Variants in RBM6 observed in about 807,000 individuals in gnomAD.
RBM6 encodes the protein RNA-binding protein 6.
RBM6 carries 23 observed loss-of-function variants against 140.4 expected under a neutral mutation model. That is an observed-to-expected ratio of 0.16 (90% CI 0.12 to 0.23). The LOEUF is 0.23. Among genes scored for constraint, RBM6 ranks in the 10% least tolerant of loss-of-function variants. The pLI is 1.00. For synonymous variants in RBM6, 439 were observed against 475.6 expected, an observed-to-expected ratio of 0.92 and a Z score of 1.00; for missense variants, 1,139 against 1,386.7, an observed-to-expected ratio of 0.82 and a Z score of 2.84.
intron 6 of RBM6, among the ~76,000 whole-genome samples, chr3:50,019,121 C>T (rs771332252): frequency 7.3e-5 from 11 of 151,320 alleles, no homozygotes; most frequent in East Asian, 2.0e-4. Context: ...CTGCAGCCTC[C>T]GCCTCCCAGG....
At chr3:50,058,376 C>T (rs2089800799) in intron 9 of RBM6, 26 bp from the exon 10 acceptor site, 2 of 1,588,928 alleles carry the variant, frequency 1.3e-6, no homozygotes, top group African/African-American at 2.7e-5. Context: ...CTTGTGTTGC[C>T]CTTCTCCCAT....
At chr3:50,058,584 T>C (rs1208999464) in intron 10 of RBM6, 22 bp downstream of exon 10, 10 of 1,582,730 alleles carry the variant, frequency 6.3e-6, no homozygotes, top group South Asian at 1.1e-5. Context: ...CCACCTTGGA[T>C]TGGCCTAGAG....
rs1171824743 is a variant in RBM6, at chr3:50,066,354, A to T, written c.2795A>T (p.Gln932Leu). 5 of 1,614,150 alleles carry T rather than the reference A, an allele frequency of 3.1e-6. No individual in the cohort carries two copies. Among genetic ancestry groups the T allele is most frequent in the Non-Finnish European group, 4.2e-6 (5 of 1,180,044 alleles). ...QTPPPQPRTA[Q>L]PQKREEQTKK... ...CCTCCCCCACAGCCCCGCACAGCAC[A>T]GCCCCAGAAGCGAGAGGAGCAAACC... The change falls in exon 17 of 21, where the codon CAG (glutamine) becomes CTG (leucine). Residue 932 changes from glutamine (Q) to leucine (L), a missense_variant. Gln to Leu is a moderately radical substitution (Grantham distance 113, BLOSUM62 -2). Coordinates refer to ENST00000266022, the MANE Select transcript of RBM6 (RefSeq NM_005777.3).
intron 1 of RBM6, chr3:49,940,675 C>G (rs1575492369): frequency 6.5e-6 from 1 of 155,038 alleles, no homozygotes; most frequent in Middle Eastern, 5.6e-4. Flanking sequence ...GGAGGCTCCG[C>G]TGGACCGGAG....
At position 49,942,437 on chromosome 3, in the gene RBM6, C is replaced by T. The variant is rs369194404; in HGVS notation, c.-67+2212C>T. On this transcript the variant is annotated intron_variant, in intron 1 of 20. Coordinates refer to ENST00000266022, the MANE Select transcript of RBM6 (RefSeq NM_005777.3). ...CCGAGAGGCGGAGCTTGCAGTGAGC[C>T]GAGATTGCGCCACTGCACTCCAGCC... Among the ~76,000 whole-genome samples, 9 of 144,876 alleles carry T rather than the reference C, an allele frequency of 6.2e-5. No individual in the cohort carries two copies. The East Asian group carries it at 1.0e-3, about 17-fold the overall frequency.
chr3:49,973,886 TTTTG>T (rs143557382), intron 4 of RBM6, among the ~76,000 whole-genome samples: 53,090 of 147,896 alleles, frequency 0.36, 9,961 homozygotes, highest in Non-Finnish European at 0.44. Context: ...GCGCCCAGCA[TTTTG>T]TTTGTTTGTT....
intron 6 of RBM6, among the ~76,000 whole-genome samples, chr3:50,012,599 C>A (rs1575687766): frequency 6.6e-6 from 1 of 151,888 alleles, no homozygotes; most frequent in Non-Finnish European, 1.5e-5. Context: ...CCCTGTGATC[C>A]GCCCGTCTCA....
intron 5 of RBM6, among the ~76,000 whole-genome samples, chr3:49,991,241 C>A (rs2085806202): frequency 6.6e-6 from 1 of 152,162 alleles, no homozygotes; most frequent in Non-Finnish European, 1.5e-5. Flanking sequence ...AGTCTCTGTC[C>A]TGTGGAATAT....
At chr3:50,066,214 G>T (rs760114747) in intron 16 of RBM6, 28 bp from the exon 17 acceptor site, 2 of 1,589,434 alleles carry the variant, frequency 1.3e-6, no homozygotes, top group Non-Finnish European at 1.7e-6. Flanking sequence ...GTTGAATTTG[G>T]TATTGATCCC....
intron 7 of RBM6, among the ~76,000 whole-genome samples, chr3:50,052,616 C>G (rs1177855281): frequency 6.6e-6 from 1 of 152,218 alleles, no homozygotes; most frequent in Non-Finnish European, 1.5e-5. Context: ...GCACCAGTTA[C>G]CACAGCAGCT....
intron 9 of RBM6, 93 bp downstream of exon 9, chr3:50,058,096 T>C (rs2089787760): frequency 7.0e-7 from 1 of 1,433,250 alleles, no homozygotes; most frequent in African/African-American, 1.4e-5. Flanking sequence ...TGCTTTCCAG[T>C]ACCCTGAGAG....
chr3:50,021,657 CAAAT>C (rs1168372556), intron 6 of RBM6, among the ~76,000 whole-genome samples: 2 of 142,454 alleles, frequency 1.4e-5, no homozygotes, highest in Admixed American at 1.5e-4. Flanking sequence ...AATAAATAAA[CAAAT>C]AAAATACATA....
chr3:49,962,819 T>C, intron 2 of RBM6, 134 bp downstream of exon 2: 3 of 904,158 alleles, frequency 3.3e-6, no homozygotes, highest in Non-Finnish European at 1.6e-6. Context: ...GAAATTTGGC[T>C]GGGCGCGGTG....
intron 5 of RBM6, among the ~76,000 whole-genome samples, chr3:49,993,214 T>TG (rs1347566596): frequency 1.3e-5 from 2 of 152,232 alleles, no homozygotes; most frequent in African/African-American, 4.8e-5. Context: ...AATGTTATCC[T>TG]GGGCCTGAGG....
At chr3:49,941,590 A>C (rs1050442656) in intron 1 of RBM6, among the ~76,000 whole-genome samples, 7 of 128,480 alleles carry the variant, frequency 5.4e-5, no homozygotes, top group Non-Finnish European at 4.7e-5. Flanking sequence ...CGGTGAGCTG[A>C]GATTGCTCCA....
intron 6 of RBM6, among the ~76,000 whole-genome samples, chr3:50,001,427 G>C (rs1017799406): frequency 1.3e-5 from 2 of 152,152 alleles, no homozygotes; most frequent in African/African-American, 4.8e-5. Flanking sequence ...ACTCTAGCCT[G>C]GGGTGACAGA....
intron 6 of RBM6, among the ~76,000 whole-genome samples, chr3:50,010,965 C>G (rs1186841768): frequency 7.0e-6 from 1 of 142,052 alleles, no homozygotes; most frequent in East Asian, 2.1e-4. Context: ...GAGTCCAGAT[C>G]TAAAATAAAG....
intron 1 of RBM6, among the ~76,000 whole-genome samples, chr3:49,958,285 G>A (rs1044047061): frequency 6.6e-6 from 1 of 151,982 alleles, no homozygotes; most frequent in Non-Finnish European, 1.5e-5. Context: ...GCCGGGTGCG[G>A]TGGCTCACGC....
rs1272163645 is a variant in RBM6 at position 50,077,088 on chromosome 3, T to C, written c.3327T>C (p.Asp1109=). 1.2e-5 allele frequency: 19 copies of C among 1,613,292 alleles called. No homozygotes were observed. The highest frequency in any genetic ancestry group is 1.5e-5 in the Non-Finnish European group (18 of 1,179,854). Residue 1109 remains aspartate, a synonymous_variant, in exon 21 of 21, where the codon GAT becomes GAC. Transcript: ENST00000266022. ...GACAGTCCAACGAGACTTACCGAGA[T>C]GCTGTTCGAAGAGTCATGTTTGCTC... ...SKRQSNETYR[D]AVRRVMFARY...
Sources: gnomAD v4.1 joint callset for allele counts (sites outside exome capture counted in the v4.1 genomes callset) on GRCh38, gnomAD v4.1.1 for gene constraint, MANE v1.5 for transcripts, NCBI Gene and HGNC (gene_info 2026-07-23, HGNC 2026-07-21) for gene names.